The following TUSC3 variants were observed in gnomAD, a reference collection of about 807,000 sequenced individuals.
The protein encoded by TUSC3 is tumor suppressor candidate 3, also known as dolichyl-diphosphooligosaccharide--protein glycosyltransferase subunit TUSC3.
In TUSC3, 45 loss-of-function variants were observed where a neutral mutation model predicts 44.8. That is an observed-to-expected ratio of 1.00 (90% CI 0.79 to 1.29). The LOEUF (loss-of-function observed/expected upper bound fraction) is 1.29, where lower values mean the gene tolerates loss of function less well. Among genes scored for constraint, TUSC3 ranks in the 50% most tolerant of loss-of-function variants. The pLI, the probability that TUSC3 is intolerant of heterozygous loss-of-function variation, is 0.00. For synonymous variants in TUSC3, 212 were observed against 152.9 expected (o/e 1.39, Z -2.85); for missense variants, 519 against 437.9 (o/e 1.19, Z -1.65).
intron 7 of TUSC3, among the ~76,000 whole-genome samples, chr8:15,743,213 A>G (rs558149328): frequency 2.0e-5 from 3 of 152,346 alleles, no homozygotes; most frequent in African/African-American, 4.8e-5. Flanking sequence ...TAAGCAGTGC[A>G]TATCTTTATG....
At chr8:15,697,998 C>T (rs1809242574) in intron 6 of TUSC3, among the ~76,000 whole-genome samples, 2 of 152,100 alleles carry the variant, frequency 1.3e-5, no homozygotes, top group Admixed American at 1.3e-4. Flanking sequence ...TGGTTTACCC[C>T]AAACTGTGTG....
Position 15,523,654 on chromosome 8 carries a change from ATATATATATATGTGTGTGTGTG to A in TUSC3, n.189+40173_189+40194del, listed in dbSNP as rs1416069839. 1.6e-3 allele frequency among the ~76,000 whole-genome samples: 43 copies of A among 26,136 alleles called. 1 individual carries two copies. The East Asian group carries it at 0.022, about 13-fold the overall frequency. 17.1% of individuals were successfully genotyped at this position (26,136 alleles called of 152,430 possible). ...CCTTTAAAAACATATATATATATAT[ATATATATATATGTGTGTGTGTG>A]TGTGTGTGTGTGTGTGTGTGTGTGT... On this transcript the variant is annotated intron_variant and non_coding_transcript_variant, in intron 2 of 5. Coordinates refer to the TUSC3 transcript ENST00000503191.
intron 1 of TUSC3, among the ~76,000 whole-genome samples, chr8:15,587,799 T>G (rs1322159391): frequency 2.0e-5 from 3 of 152,132 alleles, no homozygotes; most frequent in Non-Finnish European, 4.4e-5. Flanking sequence ...TTTCCACATA[T>G]GATTGAGAAC....
intron 1 of TUSC3, among the ~76,000 whole-genome samples, chr8:15,554,768 A>ATT (rs575644013): frequency 6.8e-6 from 1 of 146,388 alleles, no homozygotes; most frequent in African/African-American, 2.5e-5. Context: ...CGCCCGGCTA[A>ATT]TTTTTTTTTT....
intron 6 of TUSC3, among the ~76,000 whole-genome samples, chr8:15,730,142 T>C (rs1047691191): frequency 1.3e-5 from 2 of 152,160 alleles, no homozygotes; most frequent in Non-Finnish European, 1.5e-5. Context: ...TATAATCAAC[T>C]GTTATCAACT....
At chr8:15,817,066 A>G in the TUSC3 span, among the ~76,000 whole-genome samples, 4,699 of 152,310 alleles carry the variant, frequency 0.031, 249 homozygotes, top group African/African-American at 0.11. Flanking sequence ...TAACTCCAGC[A>G]GTAATTTCCG....
At chr8:15,776,900 A>G in the TUSC3 span, among the ~76,000 whole-genome samples, 26 of 151,050 alleles carry the variant, frequency 1.7e-4, no homozygotes, top group South Asian at 5.2e-3. Flanking sequence ...CTTGAGACTG[A>G]AATTTTACGT....
chr8:15,470,916 G>T (rs982713228), intron 1 of TUSC3, among the ~76,000 whole-genome samples: 7 of 152,136 alleles, frequency 4.6e-5, no homozygotes, highest in Admixed American at 2.0e-4. Context: ...TGAGGGGACA[G>T]GCTGCAGCCA....
chr8:15,735,826 A>C lies in TUSC3; in HGVS notation c.862+5097A>C, dbSNP rs143010810. Among the ~76,000 whole-genome samples, 393 of 151,588 alleles carry C rather than the reference A, an allele frequency of 2.6e-3. 1 individual carries two copies. The highest frequency in any genetic ancestry group is 8.4e-3 in the African/African-American group (347 of 41,282). On this transcript the variant is annotated intron_variant, in intron 7 of 10. Transcript: ENST00000503731. ...GCCATTCTCCTGCCTCAGCCTCCCA[A>C]GTAGCTGGGACTACAGGTGCACGCT...
chr8:15,521,618 C>G (rs1801297391), intron 2 of TUSC3, among the ~76,000 whole-genome samples: 1 of 151,848 alleles, frequency 6.6e-6, no homozygotes, highest in African/African-American at 2.4e-5. Context: ...AATTACCCCC[C>G]CCAAAAAAAG....
chr8:15,836,323 T>TAA, the TUSC3 span, among the ~76,000 whole-genome samples: 22,985 of 142,502 alleles, frequency 0.16, 2,111 homozygotes, highest in African/African-American at 0.26. Context: ...TAAAAATACT[T>TAA]AAAAAAAAAA....
In TUSC3 at chr8:15,734,083, T is replaced by A. The variant is rs116034488; in HGVS notation, c.862+3354T>A. 7.4e-3 allele frequency among the ~76,000 whole-genome samples: 1,128 copies of A among 152,340 alleles called. 10 individuals are homozygous for A. The highest frequency in any genetic ancestry group is 0.026 in the African/African-American group (1,086 of 41,586). ...TTTTCAATAATTTCTGATTCTAGTTTCATTTGACAGTCTACTGCTACTTTT... is the reference window on the plus strand; with the variant it reads ...TTTTCAATAATTTCTGATTCTAGTTACATTTGACAGTCTACTGCTACTTTT... On this transcript the variant is annotated intron_variant, in intron 7 of 10. Coordinates refer to ENST00000503731, the MANE Select transcript of TUSC3 (RefSeq NM_006765.4).
chr8:15,431,954 A>G lies in TUSC3; in HGVS notation n.91+14649A>G, dbSNP rs148917945. Among the ~76,000 whole-genome samples the G allele has an allele frequency of 6.5e-4, 98 of 151,846 alleles. 1 individual carries two copies. The East Asian group carries it at 0.016, about 24-fold the overall frequency. ...TTTATTTATGTTGCACTATCTTTGC[A>G]TTCCAGGCATGAATCTCACTTAATT... On this transcript the variant is annotated intron_variant and non_coding_transcript_variant, in intron 1 of 5. Coordinates refer to the TUSC3 transcript ENST00000503191.
intron 1 of TUSC3, among the ~76,000 whole-genome samples, chr8:15,595,979 T>C (rs1289684108): frequency 1.6e-4 from 25 of 152,164 alleles, no homozygotes; most frequent in Admixed American, 1.6e-3. Flanking sequence ...ACATATTTCT[T>C]CAGGACTTCA....
At chr8:15,445,462 C>A (rs1026398670) in intron 1 of TUSC3, among the ~76,000 whole-genome samples, 1 of 152,106 alleles carries the variant, frequency 6.6e-6, no homozygotes, top group Non-Finnish European at 1.5e-5. Flanking sequence ...GAGGACCCTG[C>A]GGCCTTCCGC....
At chr8:15,551,068 G>T (rs1416331783) in intron 1 of TUSC3, among the ~76,000 whole-genome samples, 1 of 151,728 alleles carries the variant, frequency 6.6e-6, no homozygotes, top group Non-Finnish European at 1.5e-5. Context: ...TCACTTAACC[G>T]TTTGGAGCAG....
At chr8:15,465,976 A>C (rs1288106780) in intron 1 of TUSC3, among the ~76,000 whole-genome samples, 4 of 152,172 alleles carry the variant, frequency 2.6e-5, no homozygotes, top group Non-Finnish European at 5.9e-5. Context: ...AGTGTTTGAA[A>C]CTCAAATTCA....
At chr8:15,684,066 A>G (rs778777928) in intron 6 of TUSC3, among the ~76,000 whole-genome samples, 5 of 143,664 alleles carry the variant, frequency 3.5e-5, no homozygotes, top group Non-Finnish European at 7.5e-5. Context: ...CGTGCTCTCC[A>G]CTTTAGTATT....
At chr8:15,815,618 G>A in the TUSC3 span, among the ~76,000 whole-genome samples, 1 of 152,126 alleles carries the variant, frequency 6.6e-6, no homozygotes, top group African/African-American at 2.4e-5. Context: ...GATCTCTGCA[G>A]CGCAATCTTT....
Sources: gnomAD v4.1 joint callset for allele counts (sites outside exome capture counted in the v4.1 genomes callset) on GRCh38, gnomAD v4.1.1 for gene constraint, MANE v1.5 for transcripts, NCBI Gene and HGNC (gene_info 2026-07-23, HGNC 2026-07-21) for gene names.